Variants in AMBRA1 observed in about 807,000 individuals in gnomAD.
AMBRA1 encodes autophagy and beclin 1 regulator 1.
Under a neutral mutation model 125.4 loss-of-function variants are expected in AMBRA1, and 47 were observed. The observed-to-expected ratio is 0.37, with a 90% CI of 0.30 to 0.48. The LOEUF (loss-of-function observed/expected upper bound fraction) is 0.48, where lower values mean the gene tolerates loss of function less well. AMBRA1 is among the 20% of genes least tolerant of loss of function. The pLI is 0.99. For synonymous variants in AMBRA1, 626 were observed against 655.5 expected, an observed-to-expected ratio of 0.95 and a Z score of 0.69; for missense variants, 1,331 against 1,693.4, an observed-to-expected ratio of 0.79 and a Z score of 3.76.
At chr11:46,426,151 T>G (rs766099322) in intron 14 of AMBRA1, among the ~76,000 whole-genome samples, 4 of 152,072 alleles carry the variant, frequency 2.6e-5, no homozygotes, top group Non-Finnish European at 5.9e-5. Context: ...ATTACTACCT[T>G]GATTCAATTA....
chr11:46,413,580 T>C (rs1946394382), intron 15 of AMBRA1, among the ~76,000 whole-genome samples: 2 of 151,220 alleles, frequency 1.3e-5, no homozygotes, highest in South Asian at 4.2e-4. Flanking sequence ...AACCTCAGCC[T>C]CCCAGATTCG....
rs549652646 is a variant in AMBRA1 at position 46,453,649 on chromosome 11, G to T, written c.2522-10051C>A. Among the ~76,000 whole-genome samples, 3 of 152,296 alleles carry T rather than the reference G, an allele frequency of 2.0e-5. No homozygotes were observed. In the East Asian group the frequency reaches 5.8e-4, roughly 29 times the overall value. ...GAGTGTATTATCTATAGCTGAAATA[G>T]AGTCTTCACTGTTTCCTGAGGCTAA... On this transcript the variant is annotated intron_variant, in intron 11 of 17. Coordinates refer to ENST00000683756, the MANE Select transcript of AMBRA1 (RefSeq NM_001387011.1).
intron 11 of AMBRA1, among the ~76,000 whole-genome samples, chr11:46,478,252 T>C (rs1053544571): frequency 1.3e-5 from 2 of 152,238 alleles, no homozygotes; most frequent in African/African-American, 4.8e-5. Context: ...CAAAAATTCC[T>C]TGCCTTAGTT....
In AMBRA1 at chr11:46,477,874, G is replaced by A. The variant is rs1202478631; in HGVS notation, c.2521+15734C>T. 4.0e-5 allele frequency among the ~76,000 whole-genome samples: 6 copies of A among 151,870 alleles called. No individual in the cohort carries two copies. The East Asian group carries it at 7.8e-4, about 20-fold the overall frequency. The stretch of plus-strand genomic sequence containing the variant: ...GCAGATCGCTTGAGGTCAGGAGTTC[G>A]AGACCAGCCTGGTCAACATGGCGAA... On this transcript the variant is annotated intron_variant, in intron 11 of 17. Transcript: ENST00000683756.
At chr11:46,478,744 TC>T (rs1949932412) in intron 11 of AMBRA1, among the ~76,000 whole-genome samples, 1 of 123,988 alleles carries the variant, frequency 8.1e-6, no homozygotes, top group South Asian at 2.8e-4. Flanking sequence ...AACCTCCACC[TC>T]CCGGGTTCAA....
chr11:46,536,936 A>AT (rs1190560869), intron 7 of AMBRA1, among the ~76,000 whole-genome samples: 1 of 152,246 alleles, frequency 6.6e-6, no homozygotes, highest in Non-Finnish European at 1.5e-5. Flanking sequence ...CAGTCTTACT[A>AT]AATACTCCAG....
At chr11:46,477,713 CA>C (rs1175571091) in intron 11 of AMBRA1, among the ~76,000 whole-genome samples, 2 of 151,944 alleles carry the variant, frequency 1.3e-5, no homozygotes, top group African/African-American at 4.8e-5. Context: ...CAGGGTTTAT[CA>C]ACAGCAGAGC....
intron 14 of AMBRA1, among the ~76,000 whole-genome samples, chr11:46,431,708 G>A (rs754351460): frequency 1.4e-4 from 21 of 152,336 alleles, no homozygotes; most frequent in Non-Finnish European, 2.5e-4. Context: ...TTGGGACTGG[G>A]ATTCCAGGTG....
In AMBRA1 at chr11:46,512,727, C is replaced by G; in HGVS notation, c.2159G>C (p.Arg720Thr). Residue 720 changes from arginine to threonine, a missense_variant and splice_region_variant, in exon 8 of 18, where the codon AGA (arginine) becomes ACA (threonine). This residue lies in a region of AMBRA1 where 689 missense variants were observed against 776.5 expected (regional missense o/e 0.89). Coordinates refer to ENST00000683756, the MANE Select transcript of AMBRA1 (RefSeq NM_001387011.1). Reference protein sequence around the residue: ...REHPIYPDPARLSPAAYYAQR... With the variant: ...REHPIYPDPATLSPAAYYAQR... Reference sequence around the variant, plus strand: ...GTGCCATTTCTCACTTTGGCCTTACCTCGCTGGGTCTGGGTAAATTGGGTG... The same window carrying G: ...GTGCCATTTCTCACTTTGGCCTTACGTCGCTGGGTCTGGGTAAATTGGGTG... 1 of 1,612,956 alleles carries G rather than the reference C, an allele frequency of 6.2e-7. No homozygotes were observed. Among genetic ancestry groups the G allele is most frequent in the Non-Finnish European group, 8.5e-7 (1 of 1,179,514 alleles).
intron 11 of AMBRA1, among the ~76,000 whole-genome samples, chr11:46,490,214 T>C (rs1214480848): frequency 6.6e-6 from 1 of 152,168 alleles, no homozygotes; most frequent in African/African-American, 2.4e-5. Flanking sequence ...CTGGTAGAGC[T>C]GCAATAGCTT....
intron 7 of AMBRA1, among the ~76,000 whole-genome samples, chr11:46,537,948 G>A (rs116030238): frequency 5.1e-4 from 78 of 152,242 alleles, no homozygotes; most frequent in African/African-American, 1.8e-3. Context: ...AACCAACCTC[G>A]TACACAAACA....
chr11:46,540,216 C>G (rs1204650349), intron 7 of AMBRA1, among the ~76,000 whole-genome samples: 1 of 152,192 alleles, frequency 6.6e-6, no homozygotes, highest in African/African-American at 2.4e-5. Flanking sequence ...TGAAGAGGTA[C>G]TACTAAAGCA....
chr11:46,403,163 G>T (rs145999852), intron 17 of AMBRA1, among the ~76,000 whole-genome samples: 76 of 152,332 alleles, frequency 5.0e-4, no homozygotes, highest in African/African-American at 1.6e-3. Flanking sequence ...GCCAGGGTAG[G>T]ATCAACAAGT....
At chr11:46,407,074 G>C (rs1315650446) in intron 17 of AMBRA1, among the ~76,000 whole-genome samples, 1 of 152,180 alleles carries the variant, frequency 6.6e-6, no homozygotes. Flanking sequence ...AGCTACTTGG[G>C]AGGCTGAGGC....
At chr11:46,468,038 T>C (rs1590882461) in intron 11 of AMBRA1, among the ~76,000 whole-genome samples, 1 of 152,200 alleles carries the variant, frequency 6.6e-6, no homozygotes, top group Non-Finnish European at 1.5e-5. Context: ...ATCTTCAGTT[T>C]ACTTAGGAAA....
intron 1 of AMBRA1, among the ~76,000 whole-genome samples, chr11:46,557,616 G>C (rs575343927): frequency 1.3e-5 from 2 of 152,034 alleles, no homozygotes; most frequent in South Asian, 4.1e-4. Context: ...GATCAGCCTG[G>C]TCAACATAGT....
intron 11 of AMBRA1, among the ~76,000 whole-genome samples, chr11:46,483,020 GAA>G (rs374623134): frequency 1.5e-5 from 2 of 133,924 alleles, no homozygotes; most frequent in African/African-American, 2.8e-5. Flanking sequence ...AAAAAAAAAA[GAA>G]AAAAAAAAAA....
chr11:46,467,021 G>A (rs1165418514), intron 11 of AMBRA1, among the ~76,000 whole-genome samples: 5 of 151,080 alleles, frequency 3.3e-5, no homozygotes, highest in East Asian at 1.9e-4. Context: ...GGATCCAGGC[G>A]ATTCTCCTGT....
chr11:46,427,271 GT>G (rs1345665306), intron 14 of AMBRA1, among the ~76,000 whole-genome samples: 2 of 152,188 alleles, frequency 1.3e-5, no homozygotes, highest in African/African-American at 4.8e-5. Flanking sequence ...AATTTGAGAA[GT>G]CTGGATCCCA....
Sources: allele counts gnomAD v4.1 joint callset (sites outside exome capture counted in the v4.1 genomes callset), GRCh38; gene constraint gnomAD v4.1.1; regional missense constraint gnomAD v4.1.1; transcripts MANE v1.5; gene names NCBI Gene and HGNC (gene_info 2026-07-23, HGNC 2026-07-21).